The following SAMD5 variants were observed in gnomAD, a reference collection of about 807,000 sequenced individuals.
The protein encoded by SAMD5 is sterile alpha motif domain containing 5.
In SAMD5, 13 loss-of-function variants were observed where a neutral mutation model predicts 11.3. The observed-to-expected ratio is 1.15, with a 90% CI of 0.75 to 1.83. The LOEUF is 1.83. SAMD5 is among the 40% of genes most tolerant of loss of function. The pLI is 0.00. For missense variants in SAMD5, 255 were observed against 239.1 expected, an observed-to-expected ratio of 1.07 and a Z score of -0.44; for synonymous variants, 129 against 111.3, an observed-to-expected ratio of 1.16 and a Z score of -1.00.
At chr6:147,692,799 G>T (rs1791122302) in intron 1 of SAMD5, among the ~76,000 whole-genome samples, 1 of 152,190 alleles carries the variant, frequency 6.6e-6, no homozygotes, top group African/African-American at 2.4e-5. Flanking sequence ...GTTTGCTGTT[G>T]ACAAATAATT....
At chr6:147,682,354 T>C (rs1173168597) in intron 1 of SAMD5, among the ~76,000 whole-genome samples, 1 of 152,218 alleles carries the variant, frequency 6.6e-6, no homozygotes, top group Non-Finnish European at 1.5e-5. Flanking sequence ...CCTGTGATTG[T>C]ATCTTGACCA....
At chr6:147,652,954 G>A (rs2015102) in intron 1 of SAMD5, among the ~76,000 whole-genome samples, 33,914 of 151,926 alleles carry the variant, frequency 0.22, 4,346 homozygotes, top group Non-Finnish European at 0.29. Context: ...CAGCGACTTC[G>A]ATTTGTTTGC....
At position 147,648,133 on chromosome 6, in the gene SAMD5, C is replaced by T. The variant is rs149041285; in HGVS notation, c.163-89184C>T. Among the ~76,000 whole-genome samples the T allele has an allele frequency of 3.2e-3, 494 of 152,240 alleles. 2 individuals are homozygous for T. Among genetic ancestry groups the T allele is most frequent in the Non-Finnish European group, 3.7e-3 (250 of 68,014 alleles). ...CATGTATTAGTCCTTTTTCACACTG[C>T]TATAAAGACCTCCTGAGACTGGATA... is the stretch of plus-strand genomic sequence containing the variant. On this transcript the variant is annotated intron_variant, in intron 1 of 1. Transcript: ENST00000566741.
At chr6:147,702,087 G>A (rs954592030) in intron 1 of SAMD5, among the ~76,000 whole-genome samples, 1 of 152,192 alleles carries the variant, frequency 6.6e-6, no homozygotes, top group African/African-American at 2.4e-5. Flanking sequence ...GGCTGAGGAA[G>A]CCTCACCATC....
At chr6:147,627,689 A>G (rs1406493582) in intron 1 of SAMD5, among the ~76,000 whole-genome samples, 1 of 152,082 alleles carries the variant, frequency 6.6e-6, no homozygotes, top group Non-Finnish European at 1.5e-5. Context: ...TGTGTTTTTT[A>G]TGATGCCCAG....
the SAMD5 span, among the ~76,000 whole-genome samples, chr6:147,755,221 T>C: frequency 2.0e-5 from 3 of 152,128 alleles, no homozygotes; most frequent in Admixed American, 6.5e-5. Flanking sequence ...TTTGGTGTTC[T>C]CTTCAATTTC....
At chr6:147,556,019 A>T (rs1788849121) in intron 1 of SAMD5, among the ~76,000 whole-genome samples, 1 of 152,198 alleles carries the variant, frequency 6.6e-6, no homozygotes, top group African/African-American at 2.4e-5. Flanking sequence ...CATTCTTCTT[A>T]ATTTTGGGGA....
chr6:147,736,604 A>G lies in SAMD5; in HGVS notation c.163-713A>G, dbSNP rs187266827. On this transcript the variant is annotated intron_variant, in intron 1 of 1. Transcript: ENST00000566741. ...AAGAGATTACTATATACATGTACCA[A>G]CTATTTACATAGACTTTCTTGAGAG... Among the ~76,000 whole-genome samples the G allele has an allele frequency of 1.7e-3, 258 of 152,276 alleles. 1 individual carries two copies. Among genetic ancestry groups the G allele is most frequent in the African/African-American group, 5.8e-3 (243 of 41,546 alleles).
At chr6:147,693,814 C>T (rs1214580084) in intron 1 of SAMD5, among the ~76,000 whole-genome samples, 2 of 151,888 alleles carry the variant, frequency 1.3e-5, no homozygotes, top group Non-Finnish European at 2.9e-5. Context: ...ACTAAAAATA[C>T]AAAAATTAGC....
intron 1 of SAMD5, 26 bp downstream of exon 1, chr6:147,509,413 C>T: frequency 6.7e-7 from 1 of 1,495,126 alleles, no homozygotes; most frequent in Non-Finnish European, 8.9e-7. Flanking sequence ...CCGGGCGGCC[C>T]GGGGCGCGCG....
chr6:147,796,848 T>C, the SAMD5 span, among the ~76,000 whole-genome samples: 3 of 150,492 alleles, frequency 2.0e-5, no homozygotes, highest in Admixed American at 1.3e-4. Context: ...GGGAGTTCAC[T>C]CATGATTTGG....
At chr6:147,851,710 A>T in the SAMD5 span, among the ~76,000 whole-genome samples, 1 of 152,282 alleles carries the variant, frequency 6.6e-6, no homozygotes, top group African/African-American at 2.4e-5. Context: ...CTTTTAAAAA[A>T]ATTTTGAGAA....
chr6:147,882,740 A>C, the SAMD5 span, among the ~76,000 whole-genome samples: 1 of 152,256 alleles, frequency 6.6e-6, no homozygotes, highest in South Asian at 2.1e-4. Context: ...TAAAATGTTT[A>C]AAACAAAAAC....
At chr6:147,600,175 C>G (rs1479311352) in intron 1 of SAMD5, among the ~76,000 whole-genome samples, 1 of 152,102 alleles carries the variant, frequency 6.6e-6, no homozygotes, top group Non-Finnish European at 1.5e-5. Context: ...GGAGCTCCTT[C>G]CCAGTGGAAA....
chr6:147,717,600 A>C (rs116833947), intron 1 of SAMD5, among the ~76,000 whole-genome samples: 2,835 of 152,302 alleles, frequency 0.019, 70 homozygotes, highest in African/African-American at 0.055. Context: ...TGGTTTGTAC[A>C]TGAAAAATAA....
At chr6:147,912,497 G>A in the SAMD5 span, among the ~76,000 whole-genome samples, 1 of 152,154 alleles carries the variant, frequency 6.6e-6, no homozygotes, top group African/African-American at 2.4e-5. Context: ...GAGCATAAAA[G>A]GGTAAAAATC....
chr6:147,766,954 AAC>A, the SAMD5 span, among the ~76,000 whole-genome samples: 1 of 151,120 alleles, frequency 6.6e-6, no homozygotes, highest in Non-Finnish European at 1.5e-5. Context: ...TAAGCAGATG[AAC>A]ACACAGTAGC....
intron 1 of SAMD5, among the ~76,000 whole-genome samples, chr6:147,515,998 A>G (rs2128439446): frequency 6.6e-6 from 1 of 152,282 alleles, no homozygotes; most frequent in East Asian, 1.9e-4. Context: ...CATGGCCAGG[A>G]CTAGGGTAAA....
At chr6:147,835,806 C>T in the SAMD5 span, among the ~76,000 whole-genome samples, 2 of 152,062 alleles carry the variant, frequency 1.3e-5, no homozygotes, top group East Asian at 3.9e-4. Flanking sequence ...CCAGAAGGAC[C>T]CGCATCACCT....
Sources: gnomAD v4.1 joint callset for allele counts (sites outside exome capture counted in the v4.1 genomes callset) on GRCh38, gnomAD v4.1.1 for gene constraint, MANE v1.5 for transcripts, NCBI Gene and HGNC (gene_info 2026-07-23, HGNC 2026-07-21) for gene names.